The following KDM5C variants were observed in gnomAD, a reference collection of about 807,000 sequenced individuals.
KDM5C encodes lysine demethylase 5C.
In KDM5C, 16 loss-of-function variants were observed where a neutral mutation model predicts 110.6. That is an observed-to-expected ratio of 0.14 (90% CI 0.10 to 0.22). The LOEUF is 0.22. Ranked by LOEUF, KDM5C falls within the 10% of genes least tolerant of loss-of-function variation. KDM5C has a pLI of 1.00. For synonymous variants in KDM5C, 511 were observed against 520.4 expected (o/e 0.98, Z 0.24); for missense variants, 681 against 1,300.9 (o/e 0.52, Z 7.33).
At chrX:53,183,564 C>CT (rs374560612) in intron 25 of KDM5C, among the ~76,000 whole-genome samples, 2,376 of 102,382 alleles carry the variant, frequency 0.023, 75 homozygotes, top group African/African-American at 0.075. Context: ...TTTTTCATTT[C>CT]TTTTTTTTTT....
rs1417334533 is a variant in KDM5C, at chrX:53,192,545, G to A, written c.*422C>T. On this transcript the variant is annotated 3_prime_UTR_variant, in exon 26 of 26. Coordinates refer to ENST00000375401, the MANE Select transcript of KDM5C (RefSeq NM_004187.5). ...AAGGGGGTAGGAAGGAAGGAAAAGA[G>A]GGGAGGAGAGTGGGGGCAGGGGTTA... 1 of 370,410 alleles carries A rather than the reference G, an allele frequency of 2.7e-6. No individual in the cohort carries two copies. Among genetic ancestry groups the A allele is most frequent in the Non-Finnish European group, 4.8e-6 (1 of 208,536 alleles). The allele number at this position is 370,410 out of a possible 1,213,427, so 30.5% of individuals were successfully genotyped here.
chrX:53,196,428 G>A (rs782715189), intron 19 of KDM5C, among the ~76,000 whole-genome samples: 3 of 112,743 alleles, frequency 2.7e-5, no homozygotes, highest in Non-Finnish European at 5.6e-5. Context: ...CTGGGTATGC[G>A]CACATTAGCC....
chrX:53,204,074 C>T (rs972931777), intron 12 of KDM5C, among the ~76,000 whole-genome samples: 1 of 110,945 alleles, frequency 9.0e-6, no homozygotes, highest in African/African-American at 3.3e-5. Context: ...TGGCTGCCTG[C>T]TTATATTTAA....
rs782529816 is a variant in KDM5C at position 53,214,652 on chromosome X, A to T, written c.1122+37T>A. The T allele has an allele frequency of 1.3e-5, 15 of 1,184,996 alleles. No individual in the cohort carries two copies. The Admixed American group carries it at 2.4e-4, about 19-fold the overall frequency. On this transcript the variant is annotated intron_variant, in intron 8 of 25. Coordinates refer to ENST00000375401, the MANE Select transcript of KDM5C (RefSeq NM_004187.5). Reference sequence around the variant, plus strand: ...AAGGCCAGATGAAGGAAGGCAAGGAAGCCCTATGAGGCAGATGTGGAGTGG... The same window carrying T: ...AAGGCCAGATGAAGGAAGGCAAGGATGCCCTATGAGGCAGATGTGGAGTGG...
chrX:53,209,269 G>A (rs948687277), intron 12 of KDM5C, among the ~76,000 whole-genome samples: 6 of 111,092 alleles, frequency 5.4e-5, no homozygotes, highest in African/African-American at 9.8e-5. Context: ...CCTTAAATGG[G>A]GTGAGGTAGA....
chrX:53,197,804 C>T lies in KDM5C; in HGVS notation c.2589G>A (p.Leu863=). 1 of 1,205,891 alleles carries T rather than the reference C, an allele frequency of 8.3e-7. No homozygotes were observed. The highest frequency in any genetic ancestry group is 1.1e-6 in the Non-Finnish European group (1 of 892,513). The change falls in exon 18 of 26, where the codon CTG becomes CTA. Residue 863 remains leucine, a synonymous_variant. Coordinates refer to ENST00000375401, the MANE Select transcript of KDM5C (RefSeq NM_004187.5). The stretch of plus-strand genomic sequence containing the variant: ...CCCCAATCTGGTGCATGGCGCAAGG[C>T]AGGTTGTTCATCTGGTCCAGAAAGG... ...LRAFLDQMNN[L]PCAMHQIGDV...
chrX:53,208,664 C>T (rs1274787261), intron 12 of KDM5C, among the ~76,000 whole-genome samples: 1 of 105,766 alleles, frequency 9.5e-6, no homozygotes, highest in African/African-American at 3.4e-5. Context: ...TGCCACCACG[C>T]CCGGCTAATT....
chrX:53,184,761 AT>A (rs1556827566), intron 25 of KDM5C, among the ~76,000 whole-genome samples: 2 of 111,866 alleles, frequency 1.8e-5, no homozygotes, highest in Non-Finnish European at 3.8e-5. Flanking sequence ...CATAAAGGAT[AT>A]TTGTCTGTAA....
chrX:53,213,236 TAGAGA>T (rs1405484012), intron 8 of KDM5C, among the ~76,000 whole-genome samples: 7 of 111,552 alleles, frequency 6.3e-5, no homozygotes, highest in Non-Finnish European at 1.1e-4. Flanking sequence ...TATAACCACT[TAGAGA>T]AGAGAGTCAA....
At chrX:53,180,439 T>C (rs1351043034) in intron 25 of KDM5C, among the ~76,000 whole-genome samples, 3 of 111,731 alleles carry the variant, frequency 2.7e-5, no homozygotes, top group Non-Finnish European at 5.6e-5. Context: ...TGACCAATTA[T>C]GTGCCAGTGT....
At chrX:53,202,235 A>G in intron 12 of KDM5C, 1 of 328,621 alleles carries the variant, frequency 3.0e-6, no homozygotes, top group Non-Finnish European at 5.4e-6. Flanking sequence ...ATTTTTGCAA[A>G]AATTATAAAT....
rs67574134 is a variant in KDM5C at position 53,208,499 on chromosome X, C to CTTT, written c.1746+1912_1746+1914dup. ...AGCTACCCAAATCCTTCAGAGAATC[C>CTTT]TTTTTTTTTTTTTTTTTTTTTTGAA... is the stretch of plus-strand genomic sequence containing the variant. On this transcript the variant is annotated intron_variant, in intron 12 of 25. Transcript: ENST00000375401. Among the ~76,000 whole-genome samples the CTTT allele has an allele frequency of 9.0e-3, 435 of 48,309 alleles. 25 individuals carry two copies. The highest frequency in any genetic ancestry group is 0.03 in the African/African-American group (418 of 13,929). The allele number at this position is 48,309 out of a possible 115,157, so 42.0% of individuals were successfully genotyped here.
At chrX:53,185,820 A>C (rs1390999736) in intron 25 of KDM5C, among the ~76,000 whole-genome samples, 1 of 111,768 alleles carries the variant, frequency 8.9e-6, no homozygotes, top group Non-Finnish European at 1.9e-5. Context: ...TGGAAAATGG[A>C]GGCCTGATTT....
chrX:53,198,791 G>A lies in KDM5C; in HGVS notation c.2341C>T (p.Leu781=). 2.5e-6 allele frequency: 3 copies of A among 1,212,215 alleles called. No individual in the cohort carries two copies. The highest frequency in any genetic ancestry group is 3.3e-6 in the Non-Finnish European group (3 of 895,629). The part of the protein sequence containing the change: ...DTWANKVRVA[L]EVEDGRKRSL... ...CGCTTCCGCCCATCCTCCACCTCCA[G>A]GGCCACTCGCACTTTGTTGGCCCAG... Residue 781 remains leucine, a synonymous_variant, in exon 16 of 26, where the codon CTG becomes TTG. Transcript: ENST00000375401.
Position 53,192,862 on chromosome X carries a change from C to CCCCCG in KDM5C, c.*104_*105insCGGGG. ...GGTGGGCGGGTAGCAGGGATGGCCACCCCCCTACCCGCCCACCCCCCAAGA... is the reference window on the plus strand; with the variant it reads ...GGTGGGCGGGTAGCAGGGATGGCCACCCCCGCCCCCTACCCGCCCACCCCCCAAGA... On this transcript the variant is annotated 3_prime_UTR_variant, in exon 26 of 26. Coordinates refer to ENST00000375401, the MANE Select transcript of KDM5C (RefSeq NM_004187.5). 1 of 720,062 alleles carries CCCCCG rather than the reference C, an allele frequency of 1.4e-6. No homozygotes were observed. Among genetic ancestry groups the CCCCCG allele is most frequent in the Non-Finnish European group, 1.8e-6 (1 of 551,858 alleles). The allele number at this position is 720,062 out of a possible 1,213,427, so 59.3% of individuals were successfully genotyped here.
chrX:53,181,371 G>C (rs1934043016), intron 25 of KDM5C, among the ~76,000 whole-genome samples: 2 of 110,362 alleles, frequency 1.8e-5, no homozygotes, highest in Non-Finnish European at 3.8e-5. Flanking sequence ...GGATAGATCT[G>C]AGCACCCTAA....
At chrX:53,212,022 A>C in intron 8 of KDM5C, 116 bp from the exon 9 acceptor site, 1 of 884,046 alleles carries the variant, frequency 1.1e-6, no homozygotes, top group Non-Finnish European at 1.6e-6. Context: ...TCTGCACTCA[A>C]GGCCCCTGAG....
intron 14 of KDM5C, among the ~76,000 whole-genome samples, chrX:53,200,713 C>A (rs1379636872): frequency 8.9e-6 from 1 of 112,161 alleles, no homozygotes; most frequent in African/African-American, 3.2e-5. Context: ...AGGGATCCCA[C>A]AGAACCAGCA....
chrX:53,190,159 C>CT (rs1310641906), downstream of KDM5C, among the ~76,000 whole-genome samples: 7 of 112,570 alleles, frequency 6.2e-5, no homozygotes, highest in Non-Finnish European at 1.1e-4. Context: ...GTCCCCCTCC[C>CT]TTTCTAGGGG....
Sources: allele counts gnomAD v4.1 joint callset (sites outside exome capture counted in the v4.1 genomes callset), GRCh38; gene constraint gnomAD v4.1.1; transcripts MANE v1.5; gene names NCBI Gene and HGNC (gene_info 2026-07-23, HGNC 2026-07-21).